Variants in YWHAZ observed in about 807,000 individuals in gnomAD.
YWHAZ encodes 14-3-3 protein zeta/delta.
For synonymous variants in YWHAZ, 87 were observed against 103.6 expected (o/e 0.84, Z 0.97); for missense variants, 79 against 284.8 (o/e 0.28, Z 5.20).
chr8:100,951,125 C>CA (rs1810728795), intron 1 of YWHAZ: 1 of 982,138 alleles, frequency 1.0e-6, no homozygotes, highest in Non-Finnish European at 1.2e-6. Flanking sequence ...TCCTTCCTCC[C>CA]ACCGCGGAGC....
intron 2 of YWHAZ, among the ~76,000 whole-genome samples, chr8:100,941,323 G>GT (rs1234359636): frequency 6.6e-6 from 1 of 152,182 alleles, no homozygotes; most frequent in Non-Finnish European, 1.5e-5. Flanking sequence ...TAAGCTGAGT[G>GT]TTCATAAGTC....
chr8:100,933,765 T>C (rs765699499), intron 2 of YWHAZ, among the ~76,000 whole-genome samples: 2 of 152,082 alleles, frequency 1.3e-5, no homozygotes, highest in Non-Finnish European at 2.9e-5. Context: ...ACAATCACTT[T>C]GGAAGGCTGA....
upstream of YWHAZ, chr8:100,952,856 G>A (rs1810902917): frequency 3.0e-6 from 3 of 1,000,278 alleles, no homozygotes; most frequent in South Asian, 9.4e-5. Flanking sequence ...TTACCTGCTG[G>A]CTCGGGGGAA....
chr8:100,929,864 C>A (rs925306717), intron 2 of YWHAZ, among the ~76,000 whole-genome samples: 2 of 151,846 alleles, frequency 1.3e-5, no homozygotes, highest in Admixed American at 6.6e-5. Flanking sequence ...TACAACAAAG[C>A]AGAAAAAAAC....
chr8:100,944,720 G>C (rs555494382), intron 2 of YWHAZ, among the ~76,000 whole-genome samples: 8 of 152,150 alleles, frequency 5.3e-5, no homozygotes, highest in Non-Finnish European at 1.2e-4. Flanking sequence ...CTTTTAAATA[G>C]AACTGAAAAG....
At chr8:100,929,035 T>A (rs1813573111) in intron 2 of YWHAZ, among the ~76,000 whole-genome samples, 1 of 152,154 alleles carries the variant, frequency 6.6e-6, no homozygotes, top group Non-Finnish European at 1.5e-5. Context: ...AACTTAGGTA[T>A]TTTGTAGAGG....
chr8:100,933,110 C>T (rs1051466916), intron 2 of YWHAZ, among the ~76,000 whole-genome samples: 1 of 152,148 alleles, frequency 6.6e-6, no homozygotes, highest in Non-Finnish European at 1.5e-5. Context: ...CCTGTAACTC[C>T]AGCACTTTGG....
chr8:100,951,768 G>A, intron 1 of YWHAZ, 161 bp downstream of exon 1: 1 of 985,218 alleles, frequency 1.0e-6, no homozygotes, highest in African/African-American at 1.7e-5. Context: ...CCCAGCGGAA[G>A]AGGAGCCGCC....
intron 2 of YWHAZ, among the ~76,000 whole-genome samples, chr8:100,926,954 A>C (rs570847600): frequency 6.6e-6 from 1 of 152,234 alleles, no homozygotes; most frequent in Non-Finnish European, 1.5e-5. Context: ...TGGTATAAAC[A>C]TAAGTGGCTT....
At position 100,924,447 on chromosome 8, in the gene YWHAZ, TTA is replaced by T; in HGVS notation, c.419-151_419-150del. 5.3e-6 allele frequency: 4 copies of T among 750,984 alleles called. No individual in the cohort carries two copies. Among genetic ancestry groups the T allele is most frequent in the East Asian group, 2.8e-5 (1 of 35,294 alleles). 46.5% of individuals were successfully genotyped at this position (750,984 alleles called of 1,614,324 possible). On this transcript the variant is annotated intron_variant, in intron 3 of 5. Transcript: ENST00000395958. The surrounding 1 kb of genome is among the most constrained non-coding windows in gnomAD (Gnocchi z 5.7). Reference sequence around the variant, plus strand: ...AATTGAACAAGGTCCTTTTTTTTTTTTAAAGGGAGCTTTCTCCTGGTACACAC... The same window carrying T: ...AATTGAACAAGGTCCTTTTTTTTTTTAAGGGAGCTTTCTCCTGGTACACAC...
chr8:100,948,470 A>C lies in YWHAZ; in HGVS notation c.294+126T>G. ...TCTTTTTAGTCATGACACCATGAAG[A>C]CTTTTAAATTTGGAACACACAATGT... On this transcript the variant is annotated intron_variant, in intron 2 of 5. Coordinates refer to ENST00000395958, the MANE Select transcript of YWHAZ (RefSeq NM_145690.3). This position sits in a 1 kb window ranked among gnomAD's most constrained non-coding sequence, Gnocchi z 4.2. The C allele has an allele frequency of 9.4e-7, 1 of 1,069,232 alleles. No homozygotes were observed. Among genetic ancestry groups the C allele is most frequent in the Non-Finnish European group, 1.3e-6 (1 of 743,116 alleles). 66.2% of individuals were successfully genotyped at this position (1,069,232 alleles called of 1,614,324 possible).
chr8:100,934,739 A>G (rs1271224492), intron 2 of YWHAZ: 2 of 152,204 alleles, frequency 1.3e-5, no homozygotes, highest in African/African-American at 2.4e-5. Context: ...GATATACATC[A>G]AAGTGTGTAG....
chr8:100,936,792 G>A (rs1348419739), intron 2 of YWHAZ, among the ~76,000 whole-genome samples: 1 of 152,082 alleles, frequency 6.6e-6, no homozygotes, highest in Non-Finnish European at 1.5e-5. Context: ...GGGACAGAGT[G>A]AGACTCCATC....
Position 100,948,462 on chromosome 8 carries a change from C to G in YWHAZ, c.294+134G>C, listed in dbSNP as rs1300679925. 2 of 987,014 alleles carry G rather than the reference C, an allele frequency of 2.0e-6. No homozygotes were observed. Among genetic ancestry groups the G allele is most frequent in the African/African-American group, 3.2e-5 (2 of 61,684 alleles). The allele number at this position is 987,014 out of a possible 1,614,324, so 61.1% of individuals were successfully genotyped here. ...TCTTAACATCTTTTTAGTCATGACACCATGAAGACTTTTAAATTTGGAACA... is the reference window on the plus strand; with the variant it reads ...TCTTAACATCTTTTTAGTCATGACAGCATGAAGACTTTTAAATTTGGAACA... On this transcript the variant is annotated intron_variant, in intron 2 of 5. Transcript: ENST00000395958. The surrounding 1 kb of genome is among the most constrained non-coding windows in gnomAD (Gnocchi z 4.2).
At chr8:100,933,518 C>T (rs952710354) in intron 2 of YWHAZ, among the ~76,000 whole-genome samples, 1 of 151,976 alleles carries the variant, frequency 6.6e-6, no homozygotes, top group Non-Finnish European at 1.5e-5. Flanking sequence ...CCAATCGTAC[C>T]TCAATAAAGC....
At chr8:100,942,406 C>T (rs1330930198) in intron 2 of YWHAZ, among the ~76,000 whole-genome samples, 1 of 152,172 alleles carries the variant, frequency 6.6e-6, no homozygotes, top group Non-Finnish European at 1.5e-5. Flanking sequence ...AATGGAATTA[C>T]TGACTAGAGA....
At chr8:100,933,993 C>T (rs891929633) in intron 2 of YWHAZ, among the ~76,000 whole-genome samples, 6 of 151,406 alleles carry the variant, frequency 4.0e-5, no homozygotes, top group Non-Finnish European at 8.8e-5. Context: ...CCCATCTCTA[C>T]TAAAAATACA....
intron 2 of YWHAZ, among the ~76,000 whole-genome samples, chr8:100,932,406 T>C (rs1813820677): frequency 6.6e-6 from 1 of 152,186 alleles, no homozygotes; most frequent in South Asian, 2.1e-4. Flanking sequence ...ATGGTACATA[T>C]ATACTACCTC....
At chr8:100,942,892 T>G (rs181414290) in intron 2 of YWHAZ, among the ~76,000 whole-genome samples, 45 of 152,332 alleles carry the variant, frequency 3.0e-4, no homozygotes, top group African/African-American at 9.6e-4. Flanking sequence ...AGTAAAAAGA[T>G]GTTTATAATT....
Sources: gnomAD v4.1 joint callset for allele counts (sites outside exome capture counted in the v4.1 genomes callset) on GRCh38, gnomAD v4.1.1 for gene constraint, Gnocchi (gnomAD v3.1) non-coding constraint, MANE v1.5 for transcripts, NCBI Gene and HGNC (gene_info 2026-07-23, HGNC 2026-07-21) for gene names.